Variants in TATDN1 observed in about 807,000 individuals in gnomAD.
The protein encoded by TATDN1 is deoxyribonuclease TATDN1.
A neutral mutation model predicts 46.4 loss-of-function variants in TATDN1; 40 were observed. The observed-to-expected ratio is 0.86, with a 90% CI of 0.67 to 1.12. The LOEUF (loss-of-function observed/expected upper bound fraction) is 1.12. Ranked by LOEUF, TATDN1 falls within the 50% of genes most tolerant of loss-of-function variation. TATDN1 has a pLI of 0.00. For missense variants in TATDN1, 326 were observed against 348.4 expected, an observed-to-expected ratio of 0.94 and a Z score of 0.51; for synonymous variants, 95 against 105.6, an observed-to-expected ratio of 0.90 and a Z score of 0.62.
At chr8:124,528,325 C>T (rs890285402) in intron 1 of TATDN1, among the ~76,000 whole-genome samples, 2 of 152,130 alleles carry the variant, frequency 1.3e-5, no homozygotes, top group Non-Finnish European at 2.9e-5. Context: ...AGGCGCCTGC[C>T]GCCACACCCG....
At chr8:124,525,283 T>C (rs1439787812) in intron 1 of TATDN1, among the ~76,000 whole-genome samples, 1 of 151,996 alleles carries the variant, frequency 6.6e-6, no homozygotes, top group Non-Finnish European at 1.5e-5. Context: ...GTAGCTGGGA[T>C]TATAGGCGCC....
intron 9 of TATDN1, among the ~76,000 whole-genome samples, chr8:124,499,138 T>G (rs1201869595): frequency 6.6e-6 from 1 of 151,962 alleles, no homozygotes; most frequent in African/African-American, 2.4e-5. Flanking sequence ...ACAGATTCTT[T>G]CCTTTTTCAG....
intron 9 of TATDN1, among the ~76,000 whole-genome samples, chr8:124,496,793 CATTAA>C (rs1563646394): frequency 6.6e-6 from 1 of 152,164 alleles, no homozygotes; most frequent in African/African-American, 2.4e-5. Context: ...TTAAGATACA[CATTAA>C]ATTAGGTAAT....
chr8:124,499,737 G>C (rs1817783308), intron 9 of TATDN1, among the ~76,000 whole-genome samples: 1 of 151,412 alleles, frequency 6.6e-6, no homozygotes, highest in Non-Finnish European at 1.5e-5. Flanking sequence ...GTAGAGACAG[G>C]GTTTCACTTT....
intron 1 of TATDN1, among the ~76,000 whole-genome samples, chr8:124,529,880 T>A (rs1284911790): frequency 6.6e-6 from 1 of 151,872 alleles, no homozygotes; most frequent in Admixed American, 6.6e-5. Flanking sequence ...TTACTTGAGG[T>A]CAGGAGTTTA....
At position 124,539,043 on chromosome 8, in the gene TATDN1, T is replaced by C. The variant is rs141310566; in HGVS notation, c.4A>G (p.Ser2Gly). M[S>G]RFKFIDIGIN... ...CTCTTACCGATAAACTTGAAGCGAC[T>C]CATGACTGCGCATGGAGGACCTCCC... Residue 2 changes from serine (S) to glycine (G), a missense_variant, in exon 1 of 12, where the codon AGT (serine) becomes GGT (glycine). Coordinates refer to ENST00000276692, the MANE Select transcript of TATDN1 (RefSeq NM_032026.4). The C allele has an allele frequency of 5.0e-6, 8 of 1,613,868 alleles. No homozygotes were observed. In the East Asian group the frequency reaches 1.3e-4, roughly 27 times the overall value.
rs781212851 is a variant in TATDN1, at chr8:124,522,943, GC to G, written c.81del (p.Lys27AsnfsTer9). On this transcript the variant is annotated frameshift_variant, in exon 2 of 12. Coordinates refer to ENST00000276692, the MANE Select transcript of TATDN1 (RefSeq NM_032026.4). LOFTEE classifies it high-confidence loss of function. ...TAATAAAGGAAATATTTACCTTGAT[GC>G]TTTTGAACCCCCCTATAAATTCCTC... ...MFRGIYRGVQ[K>X]HQDDLQDVIG... The G allele has an allele frequency of 8.7e-6, 14 of 1,612,614 alleles. No individual in the cohort carries two copies. Among genetic ancestry groups the G allele is most frequent in the Non-Finnish European group, 8.5e-7 (1 of 1,179,126 alleles).
chr8:124,489,403 C>CTT (rs11443180), intron 11 of TATDN1: 28 of 146,828 alleles, frequency 1.9e-4, no homozygotes, highest in East Asian at 1.2e-3. Context: ...TCTTTCCTTT[C>CTT]TTTTTTTTTT....
At chr8:124,501,895 C>A (rs1015607109) in intron 9 of TATDN1, among the ~76,000 whole-genome samples, 3 of 152,228 alleles carry the variant, frequency 2.0e-5, no homozygotes, top group Non-Finnish European at 4.4e-5. Flanking sequence ...TAAAACCTTT[C>A]ACAAGAGAAG....
At chr8:124,498,883 CTCG>C (rs1349605358) in intron 9 of TATDN1, among the ~76,000 whole-genome samples, 2 of 151,850 alleles carry the variant, frequency 1.3e-5, no homozygotes, top group Admixed American at 1.3e-4. Flanking sequence ...AACTCCTGAC[CTCG>C]TCATCTGCCT....
At chr8:124,495,239 A>C (rs887127988) in intron 10 of TATDN1, 13 of 508,542 alleles carry the variant, frequency 2.6e-5, no homozygotes, top group African/African-American at 2.4e-4. Context: ...ATATTCTGGC[A>C]TCTCATTTTC....
rs528439993 is a variant in TATDN1 at position 124,530,280 on chromosome 8, C to T, written c.23-7278G>A. Among the ~76,000 whole-genome samples, 7 of 152,308 alleles carry T rather than the reference C, an allele frequency of 4.6e-5. No individual in the cohort carries two copies. The South Asian group carries it at 1.5e-3, about 32-fold the overall frequency. On this transcript the variant is annotated intron_variant, in intron 1 of 11. Coordinates refer to ENST00000276692, the MANE Select transcript of TATDN1 (RefSeq NM_032026.4). ...TCTGGGTAAGTGGTGACATTAGGGA[C>T]ATCTGAGCAGTCAGTGACAGATATT... is the stretch of plus-strand genomic sequence containing the variant.
At chr8:124,521,732 A>C (rs905445240) in intron 3 of TATDN1, 2 of 154,528 alleles carry the variant, frequency 1.3e-5, no homozygotes, top group African/African-American at 4.8e-5. Context: ...ATTACTGTAA[A>C]AATGAAAGTT....
At chr8:124,511,270 A>G (rs1818982593) in intron 6 of TATDN1, among the ~76,000 whole-genome samples, 1 of 152,232 alleles carries the variant, frequency 6.6e-6, no homozygotes, top group African/African-American at 2.4e-5. Context: ...AGCAGTTGTT[A>G]TTAATTAGGA....
intron 1 of TATDN1, among the ~76,000 whole-genome samples, chr8:124,536,442 G>C (rs1006564918): frequency 1.3e-5 from 2 of 152,148 alleles, no homozygotes; most frequent in African/African-American, 2.4e-5. Context: ...AGCTACTTGG[G>C]AGGATGAGGC....
intron 11 of TATDN1, among the ~76,000 whole-genome samples, chr8:124,490,491 CAG>C (rs1378605914): frequency 6.6e-6 from 1 of 151,652 alleles, no homozygotes; most frequent in Non-Finnish European, 1.5e-5. Context: ...GCCTGGGCAA[CAG>C]AGCGAGACTC....
chr8:124,526,462 G>A (rs1820510432), intron 1 of TATDN1, among the ~76,000 whole-genome samples: 1 of 152,222 alleles, frequency 6.6e-6, no homozygotes, highest in South Asian at 2.1e-4. Flanking sequence ...ATAGTAAGTA[G>A]CTTGAAAAGC....
chr8:124,516,058 T>G, intron 4 of TATDN1, 28 bp from the exon 5 acceptor site: 4 of 1,546,180 alleles, frequency 2.6e-6, no homozygotes, highest in Non-Finnish European at 2.6e-6. Flanking sequence ...CTTAGGATTA[T>G]TTTCAAAGTA....
In TATDN1 at chr8:124,503,200, G is replaced by A. The variant is rs533841241; in HGVS notation, c.593+1071C>T. 3.3e-5 allele frequency among the ~76,000 whole-genome samples: 5 copies of A among 152,266 alleles called. No individual in the cohort carries two copies. The East Asian group carries it at 5.8e-4, about 18-fold the overall frequency. On this transcript the variant is annotated intron_variant, in intron 9 of 11. Coordinates refer to ENST00000276692, the MANE Select transcript of TATDN1 (RefSeq NM_032026.4). ...TGATATGCAGAGAATGGAGGTAGGGGATTAGTACGGGATATAAGAACTAAT... is the reference window on the plus strand; with the variant it reads ...TGATATGCAGAGAATGGAGGTAGGGAATTAGTACGGGATATAAGAACTAAT...
Sources: gnomAD v4.1 joint callset for allele counts (sites outside exome capture counted in the v4.1 genomes callset) on GRCh38, gnomAD v4.1.1 for gene constraint, MANE v1.5 for transcripts, NCBI Gene and HGNC (gene_info 2026-07-23, HGNC 2026-07-21) for gene names.